Variants in DMD observed in about 807,000 individuals in gnomAD.
The protein encoded by DMD is dystrophin, also known as mutant dystrophin.
Under a neutral mutation model 330.1 loss-of-function variants are expected in DMD, and 63 were observed. The observed-to-expected ratio is 0.19, with a 90% confidence interval of 0.16 to 0.24. DMD has a LOEUF of 0.24. Ranked by LOEUF, DMD falls within the 10% of genes least tolerant of loss-of-function variation. The probability of loss-of-function intolerance (pLI) is 1.00; values close to 1 mark genes in which losing one functional copy is unlikely to be tolerated. For synonymous variants in DMD, 1,223 were observed against 959.8 expected (o/e 1.27, Z -5.07); for missense variants, 3,344 against 2,684.1 (o/e 1.25, Z -5.43).
chrX:32,558,664 G>A (rs1227483360), intron 16 of DMD, among the ~76,000 whole-genome samples: 1 of 111,343 alleles, frequency 9.0e-6, no homozygotes, highest in East Asian at 2.8e-4. Flanking sequence ...ACATATCAAA[G>A]ACATTTAGAA....
intron 67 of DMD, among the ~76,000 whole-genome samples, chrX:31,187,759 G>A (rs867666389): frequency 6.2e-5 from 4 of 64,514 alleles, no homozygotes; most frequent in African/African-American, 1.0e-4. Flanking sequence ...GAGAGAGAGA[G>A]AGAGAGAGAG....
chrX:32,605,529 T>C (rs907280397), intron 12 of DMD, among the ~76,000 whole-genome samples: 1 of 109,197 alleles, frequency 9.2e-6, no homozygotes, highest in African/African-American at 3.3e-5. Context: ...AAAACAAAAG[T>C]AGACAAATGG....
chrX:31,455,687 G>A (rs938961245), intron 59 of DMD, among the ~76,000 whole-genome samples: 6 of 111,645 alleles, frequency 5.4e-5, no homozygotes, highest in African/African-American at 1.6e-4. Context: ...TCATTCTTTG[G>A]GCAAGAATAT....
intron 41 of DMD, among the ~76,000 whole-genome samples, chrX:32,325,251 G>A (rs2097645230): frequency 9.0e-6 from 1 of 110,767 alleles, no homozygotes; most frequent in Non-Finnish European, 1.9e-5. Flanking sequence ...GCAGAATGAA[G>A]AAATGAAGAG....
chrX:32,443,853 T>C (rs1360009141), intron 27 of DMD, among the ~76,000 whole-genome samples: 1 of 111,562 alleles, frequency 9.0e-6, no homozygotes, highest in Non-Finnish European at 1.9e-5. Context: ...TAAACTTCTG[T>C]TCAAAATAGT....
intron 44 of DMD, among the ~76,000 whole-genome samples, chrX:31,993,172 G>A (rs2095561962): frequency 9.0e-6 from 1 of 111,410 alleles, no homozygotes; most frequent in African/African-American, 3.3e-5. Flanking sequence ...GTAATTAAAT[G>A]TGTCGTAGAG....
At chrX:32,969,658 A>C (rs1325595772) in intron 2 of DMD, among the ~76,000 whole-genome samples, 1 of 94,867 alleles carries the variant, frequency 1.1e-5, no homozygotes. Flanking sequence ...ATATATAATA[A>C]ACTAGAACAC....
intron 51 of DMD, among the ~76,000 whole-genome samples, chrX:31,765,625 T>G (rs1019143669): frequency 8.9e-6 from 1 of 112,089 alleles, no homozygotes; most frequent in African/African-American, 3.2e-5. Context: ...TATTAAAATA[T>G]CTACTTAATG....
chrX:32,335,549 G>A (rs1468581709), intron 41 of DMD, among the ~76,000 whole-genome samples: 3 of 75,728 alleles, frequency 4.0e-5, no homozygotes, highest in African/African-American at 1.5e-4. Flanking sequence ...TATATATAAC[G>A]TGTATATGTT....
chrX:32,640,152 TA>T (rs1191560194), intron 11 of DMD, among the ~76,000 whole-genome samples: 1 of 109,565 alleles, frequency 9.1e-6, no homozygotes, highest in Non-Finnish European at 1.9e-5. Flanking sequence ...AAATTACATA[TA>T]AAAAGTGACA....
intron 7 of DMD, among the ~76,000 whole-genome samples, chrX:32,708,674 C>T (rs192646202): frequency 5.3e-4 from 59 of 111,483 alleles, no homozygotes; most frequent in African/African-American, 1.6e-3. Flanking sequence ...CAATTAATCA[C>T]GTTTTATAAT....
intron 1 of DMD, among the ~76,000 whole-genome samples, chrX:33,220,582 T>C (rs2052156343): frequency 8.9e-6 from 1 of 111,888 alleles, no homozygotes; most frequent in Non-Finnish European, 1.9e-5. Context: ...GTTTAAGGTG[T>C]TTCTTACCTG....
intron 44 of DMD, among the ~76,000 whole-genome samples, chrX:32,135,423 A>T (rs1329860116): frequency 8.9e-6 from 1 of 112,794 alleles, no homozygotes; most frequent in Non-Finnish European, 1.9e-5. Flanking sequence ...TGCATCTTTT[A>T]TTAGCTATTT....
intron 74 of DMD, among the ~76,000 whole-genome samples, chrX:31,155,068 T>G (rs780175688): frequency 2.7e-5 from 3 of 112,359 alleles, no homozygotes; most frequent in Non-Finnish European, 5.6e-5. Context: ...CCCAACCAAC[T>G]AATGGACATA....
chrX:32,440,752 C>T (rs916282103), intron 28 of DMD, among the ~76,000 whole-genome samples: 2 of 111,547 alleles, frequency 1.8e-5, no homozygotes, highest in Non-Finnish European at 3.8e-5. Context: ...TCAAAACATT[C>T]CGTAAGGTGT....
intron 74 of DMD, among the ~76,000 whole-genome samples, chrX:31,148,606 C>A (rs1458723921): frequency 8.9e-6 from 1 of 112,269 alleles, no homozygotes; most frequent in African/African-American, 3.2e-5. Flanking sequence ...ACATCTTCAA[C>A]ATTGCTACAT....
At chrX:32,991,067 T>C (rs1231049103) in intron 2 of DMD, among the ~76,000 whole-genome samples, 1 of 111,514 alleles carries the variant, frequency 9.0e-6, no homozygotes, top group Non-Finnish European at 1.9e-5. Context: ...TTTCCAATTA[T>C]AATAATAATT....
chrX:32,368,700 G>A, intron 34 of DMD, among the ~76,000 whole-genome samples: 1 of 111,114 alleles, frequency 9.0e-6, no homozygotes, highest in Non-Finnish European at 1.9e-5. Context: ...TAGGGTTGGC[G>A]AGATGGAAAG....
At chrX:31,831,651 T>A (rs892447843) in intron 49 of DMD, among the ~76,000 whole-genome samples, 1 of 111,456 alleles carries the variant, frequency 9.0e-6, no homozygotes, top group Non-Finnish European at 1.9e-5. Flanking sequence ...CAGGCTGGAG[T>A]GCAGTGGCGT....
Sources: allele counts gnomAD v4.1 joint callset (sites outside exome capture counted in the v4.1 genomes callset), GRCh38; gene constraint gnomAD v4.1.1; transcripts MANE v1.5; gene names NCBI Gene and HGNC (gene_info 2026-07-23, HGNC 2026-07-21).